The following RASGRF1 variants were observed in gnomAD, a reference collection of about 807,000 sequenced individuals.
The protein encoded by RASGRF1 is ras-specific guanine nucleotide-releasing factor 1.
In RASGRF1, 40 loss-of-function variants were observed where a neutral mutation model predicts 138.7. The ratio of observed to expected loss-of-function variants is 0.29; its 90% confidence interval spans 0.22 to 0.38. The LOEUF (loss-of-function observed/expected upper bound fraction) is 0.38, where lower values mean the gene tolerates loss of function less well. RASGRF1 is among the 10% of genes least tolerant of loss of function. The pLI is 1.00. For synonymous variants in RASGRF1, 614 were observed against 663.2 expected (o/e 0.93, Z 1.14); for missense variants, 1,108 against 1,650.4 (o/e 0.67, Z 5.69).
At chr15:79,065,858 A>T (rs2057672839) in intron 1 of RASGRF1, among the ~76,000 whole-genome samples, 1 of 145,868 alleles carries the variant, frequency 6.9e-6, no homozygotes, top group African/African-American at 2.5e-5. Context: ...GCTGACATTT[A>T]TGTATTTTTG....
rs538673740 is a variant in RASGRF1 at position 79,065,626 on chromosome 15, G to T, written c.277-1100C>A. Among the ~76,000 whole-genome samples the T allele has an allele frequency of 3.9e-5, 6 of 152,152 alleles. No homozygotes were observed. In the East Asian group the frequency reaches 1.2e-3, roughly 30 times the overall value. ...GAGAGAGAGGGCAGACAAACGAAGT[G>T]CTGGGGGCCCAGCCTGGGCCTGGGC... On this transcript the variant is annotated intron_variant, in intron 1 of 26. Coordinates refer to ENST00000558480, the MANE Select transcript of RASGRF1 (RefSeq NM_001145648.3).
intron 13 of RASGRF1, among the ~76,000 whole-genome samples, chr15:79,008,608 G>A (rs141300507): frequency 5.9e-5 from 9 of 152,244 alleles, no homozygotes; most frequent in African/African-American, 1.9e-4. Context: ...AGGCTGGGAC[G>A]GATGCAGCAA....
At chr15:78,980,792 C>T (rs899086290) in intron 23 of RASGRF1, 93 bp from the exon 24 acceptor site, 107 of 932,830 alleles carry the variant, frequency 1.1e-4, no homozygotes, top group East Asian at 9.4e-4. Context: ...TGCTGCCCAA[C>T]AGGGCTCCAG....
At chr15:79,034,022 T>C (rs2057183714) in intron 6 of RASGRF1, among the ~76,000 whole-genome samples, 1 of 152,224 alleles carries the variant, frequency 6.6e-6, no homozygotes, top group Admixed American at 6.5e-5. Flanking sequence ...CTGCAGAATA[T>C]GCGGACCCCA....
At chr15:79,018,858 G>C (rs1239674705) in intron 11 of RASGRF1, among the ~76,000 whole-genome samples, 1 of 152,112 alleles carries the variant, frequency 6.6e-6, no homozygotes, top group East Asian at 1.9e-4. Context: ...AAGAGTTTTG[G>C]GGCCTGACAG....
At chr15:79,061,732 C>T (rs2057610177) in intron 2 of RASGRF1, among the ~76,000 whole-genome samples, 1 of 152,106 alleles carries the variant, frequency 6.6e-6, no homozygotes, top group Admixed American at 6.5e-5. Context: ...ATTCTTCCAC[C>T]AGGTTGCATG....
intron 1 of RASGRF1, among the ~76,000 whole-genome samples, chr15:79,067,038 C>CCT (rs1359940217): frequency 6.6e-6 from 1 of 152,202 alleles, no homozygotes; most frequent in Non-Finnish European, 1.5e-5. Flanking sequence ...GTCACAGTCT[C>CCT]CTAACAAGCA....
At chr15:79,039,886 T>C (rs1021592230) in intron 5 of RASGRF1, among the ~76,000 whole-genome samples, 1 of 152,010 alleles carries the variant, frequency 6.6e-6, no homozygotes, top group African/African-American at 2.4e-5. Context: ...CTTCCCACCT[T>C]AGCCTCCTGA....
intron 1 of RASGRF1, among the ~76,000 whole-genome samples, chr15:79,077,215 G>C (rs1369379525): frequency 1.3e-5 from 2 of 152,048 alleles, no homozygotes; most frequent in Non-Finnish European, 2.9e-5. Context: ...TGGGGTTGTG[G>C]GGTCTACCAG....
At chr15:79,067,759 T>C (rs375226378) in intron 1 of RASGRF1, among the ~76,000 whole-genome samples, 2 of 151,864 alleles carry the variant, frequency 1.3e-5, no homozygotes, top group African/African-American at 4.8e-5. Context: ...TAGGAATTGG[T>C]AGGGACAGAG....
intron 26 of RASGRF1, among the ~76,000 whole-genome samples, chr15:78,970,995 T>C (rs1023007856): frequency 3.3e-5 from 5 of 152,208 alleles, no homozygotes; most frequent in Non-Finnish European, 7.3e-5. Flanking sequence ...CTGGCAGGCC[T>C]GATGCTACTC....
At chr15:78,965,828 G>T (rs1387652186) in intron 26 of RASGRF1, among the ~76,000 whole-genome samples, 1 of 152,218 alleles carries the variant, frequency 6.6e-6, no homozygotes, top group African/African-American at 2.4e-5. Context: ...TCCAGGCTGG[G>T]TGACAGAGTG....
Position 79,027,596 on chromosome 15 carries a change from G to A in RASGRF1, c.1381+145C>T. 3.0e-6 allele frequency: 2 copies of A among 672,664 alleles called. No individual in the cohort carries two copies. The highest frequency in any genetic ancestry group is 1.8e-5 in the South Asian group (1 of 55,060). 41.7% of individuals were successfully genotyped at this position (672,664 alleles called of 1,614,324 possible). A position where few individuals can be genotyped will look rare whatever the true frequency, so the allele number is the denominator to read the frequency against. ...TACATATAGCTGTTGCATTCCGCCA[G>A]CAGCCTGGGAATATTCTGCAATCAC... On this transcript the variant is annotated intron_variant, in intron 9 of 26. Coordinates refer to ENST00000558480, the MANE Select transcript of RASGRF1 (RefSeq NM_001145648.3). The surrounding 1 kb of genome is among the most constrained non-coding windows in gnomAD (Gnocchi z 4.8).
At chr15:78,996,999 G>A (rs1274747231) in intron 19 of RASGRF1, among the ~76,000 whole-genome samples, 1 of 152,238 alleles carries the variant, frequency 6.6e-6, no homozygotes, top group African/African-American at 2.4e-5. Context: ...GCTGGGAGCA[G>A]ACAGGCTGAG....
rs1567598878 is a variant in RASGRF1 at position 79,061,413 on chromosome 15, A to ATATATATATATATAT, written c.384-2933_384-2932insATATATATATATATA. On this transcript the variant is annotated intron_variant, in intron 2 of 26. Coordinates refer to ENST00000558480, the MANE Select transcript of RASGRF1 (RefSeq NM_001145648.3). The stretch of plus-strand genomic sequence containing the variant: ...TAGAAAATTAGAACACTATCTTTAA[A>ATATATATATATATAT]ATATATATATATATATATCATTCAT... Among the ~76,000 whole-genome samples, 610 of 117,022 alleles carry ATATATATATATATAT rather than the reference A, an allele frequency of 5.2e-3. 13 individuals are homozygous for ATATATATATATATAT. The highest frequency in any genetic ancestry group is 0.015 in the African/African-American group (429 of 28,716). 76.8% of individuals were successfully genotyped at this position (117,022 alleles called of 152,430 possible). A position where few individuals can be genotyped will look rare whatever the true frequency, so the allele number is the denominator to read the frequency against.
intron 2 of RASGRF1, among the ~76,000 whole-genome samples, chr15:79,059,654 T>C (rs2057570427): frequency 6.6e-6 from 1 of 152,170 alleles, no homozygotes; most frequent in African/African-American, 2.4e-5. Context: ...TTAGTGGTTT[T>C]GTCTTCTGGT....
At chr15:79,036,728 G>T (rs1056975229) in intron 5 of RASGRF1, among the ~76,000 whole-genome samples, 2 of 152,026 alleles carry the variant, frequency 1.3e-5, no homozygotes, top group African/African-American at 4.8e-5. Flanking sequence ...AAACAGGTAG[G>T]GTGGGGAGAC....
At chr15:78,997,839 A>G in intron 19 of RASGRF1, 1 of 500,582 alleles carries the variant, frequency 2.0e-6, no homozygotes, top group Non-Finnish European at 3.6e-6. Flanking sequence ...ACACACATGG[A>G]GAAGTGTGCT....
At chr15:78,979,313 C>T in intron 24 of RASGRF1, 1 of 752,676 alleles carries the variant, frequency 1.3e-6, no homozygotes, top group Non-Finnish European at 1.8e-6. Flanking sequence ...GCAGACGAGG[C>T]TGGCAGAGGG....
Sources: allele counts gnomAD v4.1 joint callset (sites outside exome capture counted in the v4.1 genomes callset), GRCh38; gene constraint gnomAD v4.1.1; non-coding constraint Gnocchi (gnomAD v3.1); transcripts MANE v1.5; gene names NCBI Gene and HGNC (gene_info 2026-07-23, HGNC 2026-07-21).